Variants in COL26A1 observed in about 807,000 individuals in gnomAD.
The protein encoded by COL26A1 is collagen alpha-1(XXVI) chain.
Under a neutral mutation model 59.3 loss-of-function variants are expected in COL26A1, and 41 were observed. The observed-to-expected ratio is 0.69, with a 90% confidence interval of 0.54 to 0.90. COL26A1 has a LOEUF of 0.90. Among genes scored for constraint, COL26A1 ranks in the 40% least tolerant of loss-of-function variants. The pLI is 0.00. For synonymous variants in COL26A1, 266 were observed against 256.0 expected, an observed-to-expected ratio of 1.04 and a Z score of -0.37; for missense variants, 612 against 602.3, an observed-to-expected ratio of 1.02 and a Z score of -0.17.
intron 1 of COL26A1, among the ~76,000 whole-genome samples, chr7:101,399,217 G>A (rs557251987): frequency 6.6e-5 from 10 of 152,212 alleles, no homozygotes; most frequent in African/African-American, 2.4e-4. Context: ...GAGGCGAGAG[G>A]ATTGCTTGAG....
At chr7:101,370,619 A>G (rs1399715348) in intron 1 of COL26A1, among the ~76,000 whole-genome samples, 2 of 150,980 alleles carry the variant, frequency 1.3e-5, no homozygotes, top group African/African-American at 4.9e-5. Flanking sequence ...TTATCTGCCC[A>G]CCTCATCCTC....
At chr7:101,406,154 C>T (rs191837301) in intron 1 of COL26A1, among the ~76,000 whole-genome samples, 1 of 152,336 alleles carries the variant, frequency 6.6e-6, no homozygotes, top group East Asian at 1.9e-4. Context: ...TGGTCAGTCG[C>T]CATGGAGATT....
chr7:101,451,642 C>T (rs17468506), intron 3 of COL26A1, among the ~76,000 whole-genome samples: 2,650 of 150,656 alleles, frequency 0.018, 36 homozygotes, highest in Middle Eastern at 0.028. Flanking sequence ...TAAGGTTGAG[C>T]CTATGGGGTA....
chr7:101,496,533 C>T (rs1052017514), intron 3 of COL26A1, among the ~76,000 whole-genome samples: 1 of 152,112 alleles, frequency 6.6e-6, no homozygotes, highest in African/African-American at 2.4e-5. Flanking sequence ...AAGCTGTGTT[C>T]TACGCTCATC....
intron 3 of COL26A1, among the ~76,000 whole-genome samples, chr7:101,460,058 C>A (rs530081404): frequency 6.6e-6 from 1 of 152,308 alleles, no homozygotes; most frequent in South Asian, 2.1e-4. Context: ...CCCCATGAAT[C>A]TGATGATGTT....
intron 2 of COL26A1, among the ~76,000 whole-genome samples, chr7:101,440,404 T>G (rs1793027598): frequency 6.6e-6 from 1 of 152,104 alleles, no homozygotes; most frequent in African/African-American, 2.4e-5. Context: ...TTTGCCCAAC[T>G]GGACCCTAGC....
At position 101,458,484 on chromosome 7, in the gene COL26A1, A is replaced by C. The variant is rs191466330; in HGVS notation, c.385+10697A>C. ...AACCTCGTCTCTACTAAAAATCCAA[A>C]AAAACTAGCCGGGCGTGGTGGTGCA... On this transcript the variant is annotated intron_variant, in intron 3 of 12. Coordinates refer to ENST00000313669, the MANE Select transcript of COL26A1 (RefSeq NM_001278563.3). Among the ~76,000 whole-genome samples, 1,347 of 152,026 alleles carry C rather than the reference A, an allele frequency of 8.9e-3. 26 individuals carry two copies. The highest frequency in any genetic ancestry group is 0.031 in the African/African-American group (1,293 of 41,476).
At chr7:101,411,422 G>A (rs914855135) in intron 1 of COL26A1, among the ~76,000 whole-genome samples, 17 of 152,124 alleles carry the variant, frequency 1.1e-4, no homozygotes, top group Non-Finnish European at 4.4e-5. Context: ...GGAGACTGCA[G>A]GCTGGGAGGG....
At chr7:101,519,370 G>A (rs997448359) in intron 3 of COL26A1, among the ~76,000 whole-genome samples, 7 of 152,220 alleles carry the variant, frequency 4.6e-5, no homozygotes, top group Admixed American at 3.3e-4. Context: ...GAGTGCAGTA[G>A]TGTCATCATA....
In COL26A1 at chr7:101,402,004, C is replaced by T. The variant is rs116250048; in HGVS notation, c.159-17973C>T. ...GAAAGAAATGATCCAACATAAAAGG[C>T]AGACTTCATTACCAGCCGGGTTTAT... On this transcript the variant is annotated intron_variant, in intron 1 of 12. Transcript: ENST00000313669. Among the ~76,000 whole-genome samples, 1,122 of 152,230 alleles carry T rather than the reference C, an allele frequency of 7.4e-3. 14 individuals carry two copies. The highest frequency in any genetic ancestry group is 0.026 in the African/African-American group (1,080 of 41,532).
At chr7:101,489,219 C>T (rs1794332797) in intron 3 of COL26A1, among the ~76,000 whole-genome samples, 1 of 151,990 alleles carries the variant, frequency 6.6e-6, no homozygotes, top group Non-Finnish European at 1.5e-5. Context: ...GGACTTTAGT[C>T]TGTGGGATTG....
chr7:101,436,435 G>A (rs1792916289), intron 2 of COL26A1, among the ~76,000 whole-genome samples: 1 of 152,166 alleles, frequency 6.6e-6, no homozygotes, highest in Non-Finnish European at 1.5e-5. Context: ...GTGAGGAAGT[G>A]GAGGCCAGGG....
chr7:101,528,480 C>T (rs6945334), intron 3 of COL26A1, among the ~76,000 whole-genome samples: 14,549 of 151,964 alleles, frequency 0.096, 922 homozygotes, highest in African/African-American at 0.19. Context: ...CTGTGTGGCT[C>T]GAGCTGGAGA....
At chr7:101,366,105 G>A (rs1791039133) in intron 1 of COL26A1, among the ~76,000 whole-genome samples, 1 of 152,220 alleles carries the variant, frequency 6.6e-6, no homozygotes, top group Admixed American at 6.5e-5. Flanking sequence ...TCCTAAAAAG[G>A]ATACCAGAAG....
At chr7:101,438,773 C>T (rs896712340) in intron 2 of COL26A1, among the ~76,000 whole-genome samples, 1 of 151,480 alleles carries the variant, frequency 6.6e-6, no homozygotes, top group Non-Finnish European at 1.5e-5. Context: ...CGGGTTCAAG[C>T]AATTCTCCTG....
At chr7:101,392,314 A>G (rs916398117) in intron 1 of COL26A1, among the ~76,000 whole-genome samples, 1 of 150,928 alleles carries the variant, frequency 6.6e-6, no homozygotes, top group Admixed American at 6.6e-5. Flanking sequence ...CCCCCCAGCT[A>G]TAGGCACCGG....
intron 3 of COL26A1, among the ~76,000 whole-genome samples, chr7:101,450,379 T>A (rs1473213279): frequency 6.6e-6 from 1 of 152,128 alleles, no homozygotes; most frequent in Non-Finnish European, 1.5e-5. Context: ...TGACTCAGAT[T>A]CTAGCCCCTC....
intron 6 of COL26A1, among the ~76,000 whole-genome samples, chr7:101,544,370 G>A (rs1584502309): frequency 6.6e-6 from 1 of 152,060 alleles, no homozygotes; most frequent in East Asian, 1.9e-4. Context: ...TGGGATTACA[G>A]GCATGCGCCA....
chr7:101,475,101 C>A (rs909467728), intron 3 of COL26A1, among the ~76,000 whole-genome samples: 2 of 152,032 alleles, frequency 1.3e-5, no homozygotes, highest in Non-Finnish European at 2.9e-5. Flanking sequence ...GAGGCTGAGG[C>A]AGGAGAATGG....
Sources: allele counts gnomAD v4.1 joint callset (sites outside exome capture counted in the v4.1 genomes callset), GRCh38; gene constraint gnomAD v4.1.1; transcripts MANE v1.5; gene names NCBI Gene and HGNC (gene_info 2026-07-23, HGNC 2026-07-21).